Variants in COLQ observed in about 807,000 individuals in gnomAD.
COLQ encodes the protein collagen like tail subunit of asymmetric acetylcholinesterase, also known as acetylcholinesterase collagenic tail peptide.
A neutral mutation model predicts 69.0 loss-of-function variants in COLQ; 48 were observed. The ratio of observed to expected loss-of-function variants is 0.70; its 90% CI spans 0.55 to 0.88. COLQ has a LOEUF of 0.88. Among genes scored for constraint, COLQ ranks in the 40% least tolerant of loss-of-function variants. The pLI is 0.00. For synonymous variants in COLQ, 217 were observed against 211.2 expected, an observed-to-expected ratio of 1.03 and a Z score of -0.24; for missense variants, 618 against 594.6, an observed-to-expected ratio of 1.04 and a Z score of -0.41.
intron 1 of COLQ, among the ~76,000 whole-genome samples, chr3:15,499,114 C>T (rs112227182): frequency 6.6e-5 from 10 of 151,278 alleles, no homozygotes; most frequent in African/African-American, 2.4e-4. Context: ...CTGTCTGGGC[C>T]AAAGTGTTGC....
chr3:15,463,584 G>A (rs903901736), intron 12 of COLQ, among the ~76,000 whole-genome samples: 2 of 151,986 alleles, frequency 1.3e-5, no homozygotes, highest in African/African-American at 2.4e-5. Context: ...CTGACCTCAT[G>A]ATCTGCCCAC....
At chr3:15,500,271 A>G (rs1395261213) in intron 1 of COLQ, among the ~76,000 whole-genome samples, 2 of 152,182 alleles carry the variant, frequency 1.3e-5, no homozygotes, top group Non-Finnish European at 2.9e-5. Flanking sequence ...GAAAGTAGCA[A>G]TAAGGCCAGG....
In COLQ at chr3:15,457,108, G is replaced by C. The variant is rs143186479; in HGVS notation, c.955-529C>G. Among the ~76,000 whole-genome samples, 931 of 152,196 alleles carry C rather than the reference G, an allele frequency of 6.1e-3. 10 individuals are homozygous for C. Among genetic ancestry groups the C allele is most frequent in the African/African-American group, 0.02 (847 of 41,494 alleles). ...CAAAGTTCTGGGATTACAGGCATGA[G>C]CCACCGCGCCCGGCCTCGGATTTAA... On this transcript the variant is annotated intron_variant, in intron 13 of 16. Transcript: ENST00000383788.
intron 3 of COLQ, among the ~76,000 whole-genome samples, chr3:15,487,159 G>A (rs1307233263): frequency 6.6e-6 from 1 of 152,186 alleles, no homozygotes; most frequent in Non-Finnish European, 1.5e-5. Flanking sequence ...TGTGGTGGTC[G>A]TGTGGGCAGG....
intron 3 of COLQ, among the ~76,000 whole-genome samples, chr3:15,481,232 C>T (rs1460616122): frequency 6.6e-6 from 1 of 152,144 alleles, no homozygotes; most frequent in East Asian, 1.9e-4. Context: ...TCTATTTTGG[C>T]TTTTGCTGCC....
At chr3:15,466,811 G>A (rs1413393452) in intron 11 of COLQ, among the ~76,000 whole-genome samples, 3 of 152,220 alleles carry the variant, frequency 2.0e-5, no homozygotes, top group Non-Finnish European at 4.4e-5. Context: ...AGCCTGCGAA[G>A]CCTTGCATGG....
intron 9 of COLQ, 29 bp downstream of exon 9, chr3:15,474,199 C>T (rs377218064): frequency 6.2e-7 from 1 of 1,613,588 alleles, no homozygotes; most frequent in South Asian, 1.1e-5. Context: ...TGACATTTAT[C>T]ATTTCTATGG....
intron 15 of COLQ, 57 bp downstream of exon 15, chr3:15,455,842 G>T (rs745531202): frequency 9.4e-5 from 151 of 1,610,422 alleles, no homozygotes; most frequent in South Asian, 2.4e-4. Flanking sequence ...GGCTGGCCCT[G>T]AGTCCCACCC....
At chr3:15,474,760 C>T (rs1269697561) in intron 8 of COLQ, among the ~76,000 whole-genome samples, 165 bp downstream of exon 8, 1 of 152,216 alleles carries the variant, frequency 6.6e-6, no homozygotes, top group Non-Finnish European at 1.5e-5. Context: ...TTCAGGAGGT[C>T]CCTCACTTCT....
Position 15,497,430 on chromosome 3 carries a change from A to C in COLQ, c.107-7793T>G, listed in dbSNP as rs1575489309. ...TACCCTCTTGCAAGGCCAGCCCCAC[A>C]ATAGGTTACTGGAAATAGCCATTTC... On this transcript the variant is annotated intron_variant, in intron 1 of 16. Transcript: ENST00000383788. 2.0e-5 allele frequency among the ~76,000 whole-genome samples: 3 copies of C among 152,072 alleles called. No homozygotes were observed. The East Asian group carries it at 5.8e-4, about 29-fold the overall frequency.
chr3:15,479,276 T>C lies in COLQ; in HGVS notation c.366+62A>G, dbSNP rs1016993088. ...CTCAACTAGGAAATTCTCAGTGGGA[T>C]GCCCAGAAAACAGGCTGGAATTGCC... On this transcript the variant is annotated intron_variant, in intron 4 of 16. Transcript: ENST00000383788. 3.9e-6 allele frequency: 6 copies of C among 1,533,438 alleles called. No individual in the cohort carries two copies. In the African/African-American group the frequency reaches 6.8e-5, roughly 17 times the overall value. The allele number at this position is 1,533,438 out of a possible 1,614,324, so 95.0% of individuals were successfully genotyped here. A position where few individuals can be genotyped will look rare whatever the true frequency, so the allele number is the denominator to read the frequency against.
At chr3:15,513,051 TA>T (rs2063007916) in intron 1 of COLQ, among the ~76,000 whole-genome samples, 1 of 152,234 alleles carries the variant, frequency 6.6e-6, no homozygotes, top group African/African-American at 2.4e-5. Flanking sequence ...TCTTCTTTAG[TA>T]AAATAGGGGT....
chr3:15,471,946 G>C (rs112337803), intron 10 of COLQ, among the ~76,000 whole-genome samples: 1,754 of 151,974 alleles, frequency 0.012, 34 homozygotes, highest in African/African-American at 0.041. Context: ...TTATGGCTGG[G>C]AGAAAACAGC....
chr3:15,456,053 A>G lies in COLQ; in HGVS notation c.1075-34T>C, dbSNP rs938901469. ...AGAAGCACACAGCATTAACTGGAGC[A>G]TGGCATACCCAGGCAGCCGCAGGCA... On this transcript the variant is annotated intron_variant, in intron 14 of 16. Transcript: ENST00000383788. 12 of 1,613,310 alleles carry G rather than the reference A, an allele frequency of 7.4e-6. No homozygotes were observed. In the Middle Eastern group the frequency reaches 8.2e-4, roughly 111 times the overall value.
At position 15,488,206 on chromosome 3, in the gene COLQ, C is replaced by G; in HGVS notation, c.321G>C (p.Gln107His). ...SLGSPGPPGP[Q>H]GPPGLPGKTG... ...GAGGGGTCCGGTAGAGTGCACCAACCTGGGGGCCGGGAGGCCCAGGGGAGC... is the reference window on the plus strand; with the variant it reads ...GAGGGGTCCGGTAGAGTGCACCAACGTGGGGGCCGGGAGGCCCAGGGGAGC... Residue 107 changes from glutamine to histidine, a missense_variant and splice_region_variant, in exon 3 of 17, where the codon CAG (glutamine) becomes CAC (histidine). By Grantham distance (24) the Gln-to-His change is conservative. Coordinates refer to ENST00000383788, the MANE Select transcript of COLQ (RefSeq NM_005677.4). 2 of 1,611,480 alleles carry G rather than the reference C, an allele frequency of 1.2e-6. No homozygotes were observed. The highest frequency in any genetic ancestry group is 1.7e-6 in the Non-Finnish European group (2 of 1,179,524).
At chr3:15,467,310 G>C (rs1472119459) in intron 11 of COLQ, among the ~76,000 whole-genome samples, 1 of 152,192 alleles carries the variant, frequency 6.6e-6, no homozygotes, top group African/African-American at 2.4e-5. Context: ...TTGTACCTCA[G>C]TTTTGTCATC....
intron 12 of COLQ, among the ~76,000 whole-genome samples, chr3:15,459,833 A>G (rs898072768): frequency 9.9e-5 from 15 of 151,914 alleles, no homozygotes; most frequent in Admixed American, 3.9e-4. Context: ...TTTAGGGTAC[A>G]TGTGCACAAT....
chr3:15,466,579 G>A (rs540584070), intron 11 of COLQ, 142 bp from the exon 12 acceptor site: 18 of 682,494 alleles, frequency 2.6e-5, no homozygotes, highest in Admixed American at 1.0e-4. Flanking sequence ...CTTGACCATC[G>A]AGCTCTTAAT....
chr3:15,486,776 A>C (rs2062582578), intron 3 of COLQ, among the ~76,000 whole-genome samples: 2 of 152,210 alleles, frequency 1.3e-5, no homozygotes, highest in South Asian at 4.1e-4. Flanking sequence ...AACCCCGTGC[A>C]CTGTTGTAGA....
Sources: gnomAD v4.1 joint callset for allele counts (sites outside exome capture counted in the v4.1 genomes callset) on GRCh38, gnomAD v4.1.1 for gene constraint, MANE v1.5 for transcripts, NCBI Gene and HGNC (gene_info 2026-07-23, HGNC 2026-07-21) for gene names.